The following SHISA9 variants were observed in gnomAD, a reference collection of about 807,000 sequenced individuals.
SHISA9 encodes the protein shisa family member 9, also known as protein shisa-9.
In SHISA9, 13 loss-of-function variants were observed where a neutral mutation model predicts 38.0. That is an observed-to-expected ratio of 0.34 (90% CI 0.22 to 0.54). The LOEUF is 0.54. SHISA9 is among the 20% of genes least tolerant of loss of function. The pLI is 0.91. For missense variants in SHISA9, 538 were observed against 575.8 expected, an observed-to-expected ratio of 0.93 and a Z score of 0.67; for synonymous variants, 275 against 242.0, an observed-to-expected ratio of 1.14 and a Z score of -1.27.
At chr16:13,462,215 G>C in the SHISA9 span, among the ~76,000 whole-genome samples, 9 of 151,810 alleles carry the variant, frequency 5.9e-5, no homozygotes. Flanking sequence ...AGATGAGCCT[G>C]GGCAACATGG....
In SHISA9 at chr16:13,079,083, T is replaced by A. The variant is rs149123593; in HGVS notation, c.692-124311T>A. 4.9e-3 allele frequency among the ~76,000 whole-genome samples: 742 copies of A among 152,312 alleles called. 8 individuals are homozygous for A. The highest frequency in any genetic ancestry group is 0.015 in the African/African-American group (644 of 41,566). Reference sequence around the variant, plus strand: ...TCCCTCCTCTTTAAAACGTGGCTAATAGAACTTTCCTCAGATAATTGTGGT... The same window carrying A: ...TCCCTCCTCTTTAAAACGTGGCTAAAAGAACTTTCCTCAGATAATTGTGGT... On this transcript the variant is annotated intron_variant, in intron 2 of 4. Transcript: ENST00000558583.
chr16:12,908,586 A>C (rs1337945873), intron 1 of SHISA9: 1 of 1,551,636 alleles, frequency 6.4e-7, no homozygotes, highest in African/African-American at 1.4e-5. Flanking sequence ...GTCTGAGTGC[A>C]CGGATCCTTG....
intron 3 of SHISA9, among the ~76,000 whole-genome samples, chr16:13,208,882 A>G (rs2051092767): frequency 6.6e-6 from 1 of 152,162 alleles, no homozygotes; most frequent in African/African-American, 2.4e-5. Context: ...CCCAACACCT[A>G]TTTGTAAAAC....
intron 2 of SHISA9, among the ~76,000 whole-genome samples, chr16:13,065,046 A>G (rs183047018): frequency 6.6e-6 from 1 of 152,286 alleles, no homozygotes; most frequent in East Asian, 1.9e-4. Flanking sequence ...GGAAGTAACC[A>G]TTTGACAATG....
chr16:13,176,794 C>T lies in SHISA9; in HGVS notation c.692-26600C>T, dbSNP rs185255831. ...GAGTGGGTGGTAGGGTGGGCCGAAG[C>T]TCAAGACAGATAATGGCCTTGTAGA... is the stretch of plus-strand genomic sequence containing the variant. On this transcript the variant is annotated intron_variant, in intron 2 of 4. Coordinates refer to ENST00000558583, the MANE Select transcript of SHISA9 (RefSeq NM_001145204.3). Among the ~76,000 whole-genome samples the T allele has an allele frequency of 7.2e-5, 11 of 152,262 alleles. No individual in the cohort carries two copies. In the East Asian group the frequency reaches 1.9e-3, roughly 27 times the overall value.
At chr16:13,123,260 C>G (rs1479658989) in intron 2 of SHISA9, among the ~76,000 whole-genome samples, 1 of 152,176 alleles carries the variant, frequency 6.6e-6, no homozygotes, top group Non-Finnish European at 1.5e-5. Context: ...TTTCTGCTAT[C>G]TTGGGAAGCG....
At chr16:12,912,634 ACTTT>A (rs1372627892) in intron 1 of SHISA9, among the ~76,000 whole-genome samples, 1 of 152,056 alleles carries the variant, frequency 6.6e-6, no homozygotes, top group African/African-American at 2.4e-5. Flanking sequence ...TTGTCTCAAA[ACTTT>A]CTTTCCCTGT....
At chr16:12,937,842 C>T (rs1259433987) in intron 2 of SHISA9, among the ~76,000 whole-genome samples, 1 of 152,188 alleles carries the variant, frequency 6.6e-6, no homozygotes, top group African/African-American at 2.4e-5. Flanking sequence ...ACATTCAGTC[C>T]ATAACAGTGG....
At chr16:13,001,338 C>A (rs2072523131) in intron 2 of SHISA9, among the ~76,000 whole-genome samples, 1 of 152,158 alleles carries the variant, frequency 6.6e-6, no homozygotes, top group Non-Finnish European at 1.5e-5. Flanking sequence ...TCCCTCTCCT[C>A]CCTGGGCTGG....
At chr16:12,908,845 C>A in intron 1 of SHISA9, 2 of 1,217,816 alleles carry the variant, frequency 1.6e-6, no homozygotes, top group South Asian at 2.3e-5. Context: ...ACACTTGAAG[C>A]CAGTAGGGAA....
At chr16:13,114,767 A>G (rs1416016634) in intron 2 of SHISA9, among the ~76,000 whole-genome samples, 1 of 152,120 alleles carries the variant, frequency 6.6e-6, no homozygotes, top group Non-Finnish European at 1.5e-5. Flanking sequence ...TTATGTGTCC[A>G]TAATCTGTAT....
chr16:13,553,644 A>G, the SHISA9 span, among the ~76,000 whole-genome samples: 1 of 151,990 alleles, frequency 6.6e-6, no homozygotes, highest in Non-Finnish European at 1.5e-5. Context: ...AGCCAGGCAC[A>G]ATGATTTTGA....
At chr16:13,139,141 A>G (rs1245728384) in intron 2 of SHISA9, among the ~76,000 whole-genome samples, 1 of 151,988 alleles carries the variant, frequency 6.6e-6, no homozygotes, top group Non-Finnish European at 1.5e-5. Context: ...GTTGGGTTTT[A>G]TTTGTAATTT....
At chr16:12,977,522 T>C (rs2141819452) in intron 2 of SHISA9, among the ~76,000 whole-genome samples, 1 of 152,298 alleles carries the variant, frequency 6.6e-6, no homozygotes, top group Admixed American at 6.5e-5. Flanking sequence ...CGCGTGTATG[T>C]TCATTACTGC....
At chr16:13,468,260 A>T in the SHISA9 span, among the ~76,000 whole-genome samples, 1 of 152,200 alleles carries the variant, frequency 6.6e-6, no homozygotes, top group African/African-American at 2.4e-5. Context: ...ATCTCCATTG[A>T]TTCAACAACT....
rs532785160 is a variant in SHISA9, at chr16:12,995,044, AT to A, written c.691+78240del. ...AGTGGATAAGCTTATTTGGGCCAGT[AT>A]TTTTTTTTTTAAAATAAAAAAATTA... On this transcript the variant is annotated intron_variant, in intron 2 of 4. Transcript: ENST00000558583. Among the ~76,000 whole-genome samples, 655 of 149,986 alleles carry A rather than the reference AT, an allele frequency of 4.4e-3. 10 individuals carry two copies. Among genetic ancestry groups the A allele is most frequent in the African/African-American group, 0.014 (594 of 41,002 alleles).
chr16:13,121,882 C>CAG (rs1029960397), intron 2 of SHISA9, among the ~76,000 whole-genome samples: 9 of 133,236 alleles, frequency 6.8e-5, no homozygotes, highest in Non-Finnish European at 1.1e-4. Context: ...CACACACACA[C>CAG]AGAACAGGCC....
chr16:12,953,242 A>C (rs961792281), intron 2 of SHISA9, among the ~76,000 whole-genome samples: 26 of 151,786 alleles, frequency 1.7e-4, no homozygotes, highest in African/African-American at 5.1e-4. Context: ...ACAACAACAA[A>C]AAACAGCCAA....
chr16:13,562,512 C>G, the SHISA9 span, among the ~76,000 whole-genome samples: 14,975 of 151,774 alleles, frequency 0.099, 833 homozygotes, highest in Middle Eastern at 0.17. Flanking sequence ...CACCTGTAGT[C>G]CCAGCTGCTC....
Sources: gnomAD v4.1 joint callset for allele counts (sites outside exome capture counted in the v4.1 genomes callset) on GRCh38, gnomAD v4.1.1 for gene constraint, MANE v1.5 for transcripts, NCBI Gene and HGNC (gene_info 2026-07-23, HGNC 2026-07-21) for gene names.